The following ZNF207 variants were observed in gnomAD, a reference collection of about 807,000 sequenced individuals.
ZNF207 encodes BUB3-interacting and GLEBS motif-containing protein ZNF207.
A neutral mutation model predicts 60.2 loss-of-function variants in ZNF207; 24 were observed. That is an observed-to-expected ratio of 0.40 (90% CI 0.29 to 0.56). The LOEUF is 0.56. Ranked by LOEUF, ZNF207 falls within the 20% of genes least tolerant of loss-of-function variation. ZNF207 has a pLI of 0.49. For missense variants in ZNF207, 452 were observed against 636.6 expected (o/e 0.71, Z 3.12); for synonymous variants, 236 against 194.7 (o/e 1.21, Z -1.77).
rs187966039 is a variant in ZNF207, at chr17:32,354,276, G to A, written c.168+2364G>A. Among the ~76,000 whole-genome samples the A allele has an allele frequency of 6.7e-4, 102 of 152,064 alleles. 1 individual carries two copies. The highest frequency in any genetic ancestry group is 1.2e-3 in the Non-Finnish European group (83 of 67,960). ...ATTACAGTTGTGAGCCACTGAGCCC[G>A]GCCATTTTCTTTAATTCTGAATGAA... On this transcript the variant is annotated intron_variant, in intron 2 of 11. Transcript: ENST00000394670.
At position 32,369,968 on chromosome 17, in the gene ZNF207, A is replaced by G. The variant is rs1193936557; in HGVS notation, c.*209A>G. ...AACTTTTCCTGAAGTTGCAATTTAT[A>G]CTGTATGGCTTCTTTTTCATGTTTC... On this transcript the variant is annotated 3_prime_UTR_variant, in exon 12 of 12. Coordinates refer to ENST00000394670, the MANE Select transcript of ZNF207 (RefSeq NM_001098507.2). 1.1e-5 allele frequency: 5 copies of G among 456,090 alleles called. No homozygotes were observed. The East Asian group carries it at 1.9e-4, about 17-fold the overall frequency. 28.3% of individuals were successfully genotyped at this position (456,090 alleles called of 1,614,324 possible).
At chr17:32,360,812 G>A (rs773102965) in intron 4 of ZNF207, 47 bp downstream of exon 4, 1 of 1,611,700 alleles carries the variant, frequency 6.2e-7, no homozygotes, top group Non-Finnish European at 8.5e-7. Flanking sequence ...GGACATTATT[G>A]ATATTGTATC....
chr17:32,353,024 A>C (rs1484419253), intron 2 of ZNF207, among the ~76,000 whole-genome samples: 2 of 152,202 alleles, frequency 1.3e-5, no homozygotes, highest in Admixed American at 1.3e-4. Context: ...AGATACAAAA[A>C]TTAGCCGGGT....
At chr17:32,369,197 A>T in intron 10 of ZNF207, 98 bp from the exon 11 acceptor site, 11 of 1,419,046 alleles carry the variant, frequency 7.8e-6, no homozygotes, top group Non-Finnish European at 1.0e-5. Flanking sequence ...AAATTTTTGA[A>T]AATTACTCTT....
At position 32,373,307 on chromosome 17, in the gene ZNF207, A is replaced by T; in HGVS notation, c.*3548A>T. 1.6e-6 allele frequency: 1 copy of T among 612,214 alleles called. No individual in the cohort carries two copies. The highest frequency in any genetic ancestry group is 1.9e-5 in the South Asian group (1 of 51,456). 37.9% of individuals were successfully genotyped at this position (612,214 alleles called of 1,614,324 possible). On this transcript the variant is annotated 3_prime_UTR_variant, in exon 12 of 12. Coordinates refer to ENST00000394670, the MANE Select transcript of ZNF207 (RefSeq NM_001098507.2). ...AGCTGCTCCTTTTGCTTGCTTGATC[A>T]TTGGGATTTTTAAAAAAAAAAATTT...
intron 2 of ZNF207, among the ~76,000 whole-genome samples, chr17:32,354,360 C>T (rs374227461): frequency 1.1e-4 from 16 of 151,726 alleles, no homozygotes; most frequent in East Asian, 3.9e-4. Flanking sequence ...TATTTTGAAA[C>T]GGAGTTTTGC....
intron 3 of ZNF207, among the ~76,000 whole-genome samples, chr17:32,359,817 G>GGT (rs969178291): frequency 2.0e-5 from 3 of 152,090 alleles, no homozygotes; most frequent in Non-Finnish European, 4.4e-5. Flanking sequence ...AGGATCTCTT[G>GGT]AGCCCAAGGG....
chr17:32,358,735 G>C, intron 3 of ZNF207, 94 bp downstream of exon 3: 1 of 956,570 alleles, frequency 1.0e-6, no homozygotes, highest in Non-Finnish European at 1.4e-6. Flanking sequence ...CGAGGCTGGA[G>C]TACAGTGGTG....
chr17:32,361,169 G>A, intron 5 of ZNF207: 1 of 633,842 alleles, frequency 1.6e-6, no homozygotes. Flanking sequence ...TTGGGTTTTA[G>A]GGTATATGTA....
Position 32,350,271 on chromosome 17 carries a change from C to A in ZNF207, c.-15C>A, listed in dbSNP as rs11538423. The A allele has an allele frequency of 5.0e-6, 8 of 1,613,904 alleles. No individual in the cohort carries two copies. Among genetic ancestry groups the A allele is most frequent in the Admixed American group, 3.3e-5 (2 of 59,992 alleles). On this transcript the variant is annotated 5_prime_UTR_variant, in exon 1 of 12. Coordinates refer to ENST00000394670, the MANE Select transcript of ZNF207 (RefSeq NM_001098507.2). ...TCTTTTCTCCTCCCTTTTACTTTGCCGGTAGAACACAGTTATGGGTCGCAA... is the reference window on the plus strand; with the variant it reads ...TCTTTTCTCCTCCCTTTTACTTTGCAGGTAGAACACAGTTATGGGTCGCAA...
At chr17:32,363,839 CTG>C (rs746929705) in intron 7 of ZNF207, among the ~76,000 whole-genome samples, 26 of 151,876 alleles carry the variant, frequency 1.7e-4, no homozygotes, top group Non-Finnish European at 3.4e-4. Flanking sequence ...CCCCAACAAA[CTG>C]TATTAAACGG....
At chr17:32,351,754 G>C (rs1362988882) in intron 1 of ZNF207, 32 bp from the exon 2 acceptor site, 2 of 1,608,648 alleles carry the variant, frequency 1.2e-6, no homozygotes, top group East Asian at 4.5e-5. Context: ...GTCATCATTA[G>C]GCTGTCTTTG....
Position 32,376,864 on chromosome 17 carries a change from A to T in ZNF207, c.*7105A>T, listed in dbSNP as rs1468838348. The stretch of plus-strand genomic sequence containing the variant: ...TTAATTCTAAATGATGTAATGGTCT[A>T]TAAGGTAGTAATCTGGCACAGCTTC... On this transcript the variant is annotated 3_prime_UTR_variant, in exon 12 of 12. Coordinates refer to ENST00000394670, the MANE Select transcript of ZNF207 (RefSeq NM_001098507.2). 2 of 152,090 alleles carry T rather than the reference A, an allele frequency of 1.3e-5. No homozygotes were observed. The highest frequency in any genetic ancestry group is 2.9e-5 in the Non-Finnish European group (2 of 67,926). 9.4% of individuals were successfully genotyped at this position (152,090 alleles called of 1,614,324 possible). A position where few individuals can be genotyped will look rare whatever the true frequency, so the allele number is the denominator to read the frequency against.
At chr17:32,354,063 A>G (rs1419829803) in intron 2 of ZNF207, among the ~76,000 whole-genome samples, 1 of 151,764 alleles carries the variant, frequency 6.6e-6, no homozygotes, top group Non-Finnish European at 1.5e-5. Context: ...GCAACTTTGA[A>G]CTCCCTTACT....
intron 1 of ZNF207, chr17:32,351,407 A>G: frequency 8.0e-7 from 1 of 1,248,872 alleles, no homozygotes; most frequent in Non-Finnish European, 1.0e-6. Flanking sequence ...TATCTAGTGA[A>G]GTAATTGTCT....
At chr17:32,361,070 T>A in intron 5 of ZNF207, 103 bp downstream of exon 5, 1 of 1,232,094 alleles carries the variant, frequency 8.1e-7, no homozygotes, top group Non-Finnish European at 1.2e-6. Flanking sequence ...TTTTTGCTTC[T>A]AGAAGGTATG....
intron 10 of ZNF207, chr17:32,369,072 C>T (rs545856236): frequency 3.7e-5 from 18 of 481,134 alleles, no homozygotes; most frequent in East Asian, 9.7e-5. Context: ...TTGTAATTCC[C>T]GGAAAGTTGT....
At position 32,370,143 on chromosome 17, in the gene ZNF207, T is replaced by C. The variant is rs1026432514; in HGVS notation, c.*384T>C. 1 of 156,408 alleles carries C rather than the reference T, an allele frequency of 6.4e-6. No individual in the cohort carries two copies. Among genetic ancestry groups the C allele is most frequent in the Non-Finnish European group, 1.4e-5 (1 of 70,722 alleles). The allele number at this position is 156,408 out of a possible 1,614,324, so 9.7% of individuals were successfully genotyped here. A position where few individuals can be genotyped will look rare whatever the true frequency, so the allele number is the denominator to read the frequency against. ...TTTGCCTTCACAGCATTTCAGATGC[T>C]GTTGGACTTCATGTCCCCAACCTAG... is the stretch of plus-strand genomic sequence containing the variant. On this transcript the variant is annotated 3_prime_UTR_variant, in exon 12 of 12. Transcript: ENST00000394670.
At position 32,361,013 on chromosome 17, in the gene ZNF207, G is replaced by T. The variant is rs745641743; in HGVS notation, c.551+46G>T. Reference sequence around the variant, plus strand: ...GCCCTGTAGGCTTGTGCCTAGTAATGATCTTTTTCAATTTGGATGTTATAT... The same window carrying T: ...GCCCTGTAGGCTTGTGCCTAGTAATTATCTTTTTCAATTTGGATGTTATAT... On this transcript the variant is annotated intron_variant, in intron 5 of 11. Transcript: ENST00000394670. 30 of 1,584,004 alleles carry T rather than the reference G, an allele frequency of 1.9e-5. No homozygotes were observed. The South Asian group carries it at 3.3e-4, about 17-fold the overall frequency.
Sources: gnomAD v4.1 joint callset for allele counts (sites outside exome capture counted in the v4.1 genomes callset) on GRCh38, gnomAD v4.1.1 for gene constraint, MANE v1.5 for transcripts, NCBI Gene and HGNC (gene_info 2026-07-23, HGNC 2026-07-21) for gene names.